JRK: variants seen among roughly 807,000 people sequenced by gnomAD.
JRK encodes Jrk helix-turn-helix protein, also known as jerky protein homolog.
For synonymous variants in JRK, 303 were observed against 218.1 expected, an observed-to-expected ratio of 1.39 and a Z score of -3.43; for missense variants, 720 against 509.2, an observed-to-expected ratio of 1.41 and a Z score of -3.98.
At chr8:142,668,774 C>A (rs868948228) in intron 1 of JRK, among the ~76,000 whole-genome samples, 1 of 151,262 alleles carries the variant, frequency 6.6e-6, no homozygotes, top group South Asian at 2.1e-4. Flanking sequence ...GCAAGTGGGA[C>A]AACAGTGTGT....
chr8:142,650,120 A>G, the JRK span, among the ~76,000 whole-genome samples: 3 of 152,264 alleles, frequency 2.0e-5, no homozygotes, highest in African/African-American at 7.2e-5. Flanking sequence ...GCTGGATTTC[A>G]GACTTGCATG....
downstream of JRK, among the ~76,000 whole-genome samples, chr8:142,652,901 GTTCA>G (rs1846691860): frequency 6.6e-6 from 1 of 152,214 alleles, no homozygotes; most frequent in Non-Finnish European, 1.5e-5. Flanking sequence ...AATTGATGAT[GTTCA>G]TTCATTTTTT....
intron 1 of JRK, among the ~76,000 whole-genome samples, chr8:142,668,778 AGT>A (rs1241547444): frequency 1.1e-4 from 16 of 151,194 alleles, no homozygotes; most frequent in African/African-American, 3.6e-4. Flanking sequence ...GTGGGACAAC[AGT>A]GTGTTCTGCC....
At chr8:142,668,522 T>G (rs1847202452) in intron 1 of JRK, among the ~76,000 whole-genome samples, 1 of 151,862 alleles carries the variant, frequency 6.6e-6, no homozygotes, top group African/African-American at 2.4e-5. Context: ...CCTCCAGATT[T>G]TTAATATGAA....
rs1563792564 is a variant in JRK at position 142,663,001 on chromosome 8, A to G, written c.*1351T>C. On this transcript the variant is annotated 3_prime_UTR_variant, in exon 2 of 2. Coordinates refer to ENST00000612905, the MANE Select transcript of JRK (RefSeq NM_003724.4). ...ACAGTGAGACCCTGTCTCTACAAAA[A>G]AAATAAAAAGGCGCGGTGGTGCGTG... 1 of 512,644 alleles carries G rather than the reference A, an allele frequency of 2.0e-6. No homozygotes were observed. The highest frequency in any genetic ancestry group is 1.8e-4 in the East Asian group (1 of 5,482). 31.8% of individuals were successfully genotyped at this position (512,644 alleles called of 1,614,324 possible). A position where few individuals can be genotyped will look rare whatever the true frequency, so the allele number is the denominator to read the frequency against.
chr8:142,646,947 TTAAA>T, the JRK span, among the ~76,000 whole-genome samples: 1 of 152,170 alleles, frequency 6.6e-6, no homozygotes, highest in Admixed American at 6.5e-5. Flanking sequence ...CAGTTGTCAA[TTAAA>T]TAGCCCTAAG....
Position 142,661,732 on chromosome 8 carries a change from C to G in JRK, c.*2620G>C. 2 of 985,482 alleles carry G rather than the reference C, an allele frequency of 2.0e-6. No homozygotes were observed. The highest frequency in any genetic ancestry group is 2.4e-6 in the Non-Finnish European group (2 of 829,954). 61.0% of individuals were successfully genotyped at this position (985,482 alleles called of 1,614,324 possible). A position where few individuals can be genotyped will look rare whatever the true frequency, so the allele number is the denominator to read the frequency against. ...CAGAAACAGAGTGAAGAGACACAGCCTCACAGAGCTGTGCTGTGGTGTCTG... is the reference window on the plus strand; with the variant it reads ...CAGAAACAGAGTGAAGAGACACAGCGTCACAGAGCTGTGCTGTGGTGTCTG... On this transcript the variant is annotated 3_prime_UTR_variant, in exon 2 of 2. Transcript: ENST00000612905.
Position 142,666,299 on chromosome 8 carries a change from C to T in JRK, c.-241G>A. On this transcript the variant is annotated 5_prime_UTR_variant, in exon 2 of 2. Transcript: ENST00000612905. ...GCTCCACACACCTAGGCCTTGGCTC[C>T]TGGCAGTGCAGTCAGCTGCCAATTC... 2 of 634,758 alleles carry T rather than the reference C, an allele frequency of 3.2e-6. No homozygotes were observed. The highest frequency in any genetic ancestry group is 2.9e-5 in the East Asian group (1 of 34,248). 39.3% of individuals were successfully genotyped at this position (634,758 alleles called of 1,614,324 possible).
At chr8:142,653,083 A>G (rs1739245461), downstream of JRK, among the ~76,000 whole-genome samples, 1 of 152,222 alleles carries the variant, frequency 6.6e-6, no homozygotes, top group Non-Finnish European at 1.5e-5. Context: ...GATCTGACCT[A>G]ACTGACTCCA....
Position 142,665,588 on chromosome 8 carries a change from G to A in JRK, c.471C>T (p.Ala157=), listed in dbSNP as rs587751093. 2.9e-4 allele frequency: 207 copies of A among 718,546 alleles called. No individual in the cohort carries two copies. In the East Asian group the frequency reaches 4.9e-3, roughly 17 times the overall value. The allele number at this position is 718,546 out of a possible 1,614,324, so 44.5% of individuals were successfully genotyped here. A position where few individuals can be genotyped will look rare whatever the true frequency, so the allele number is the denominator to read the frequency against. Residue 157 remains alanine, a synonymous_variant, in exon 2 of 2, where the codon GCC becomes GCT. Transcript: ENST00000612905. The stretch of plus-strand genomic sequence containing the variant: ...AGAACTGCTCCGCGGCCTGGTGGTC[G>A]GCTGACTGCTTTTCACTGGATGCAT... ...KLDASSEKQS[A]DHQAAEQFCA...
At chr8:142,668,970 C>A (rs1847221993) in intron 1 of JRK, among the ~76,000 whole-genome samples, 1 of 151,830 alleles carries the variant, frequency 6.6e-6, no homozygotes, top group African/African-American at 2.4e-5. Flanking sequence ...TCTTGCCTTG[C>A]GACTGGAGAG....
In JRK at chr8:142,664,503, C is replaced by T. The variant is rs781958857; in HGVS notation, c.1556G>A (p.Arg519His). The T allele has an allele frequency of 5.6e-6, 9 of 1,608,956 alleles. No individual in the cohort carries two copies. The highest frequency in any genetic ancestry group is 3.4e-5 in the Admixed American group (2 of 59,486). The change falls in exon 2 of 2, where the codon CGT becomes CAT. Residue 519 changes from arginine to histidine, a missense_variant. Arg to His is a conservative substitution (Grantham distance 29). Coordinates refer to ENST00000612905, the MANE Select transcript of JRK (RefSeq NM_003724.4). The part of the protein sequence containing the change: ...AQEVGQLRAL[R>H]AVFRSQQQVR... ...CTGCTGCTGGCTCCGGAACACGGCA[C>T]GCAGCGCCCGCAGCTGCCCCACTTC... is the stretch of plus-strand genomic sequence containing the variant.
In JRK at chr8:142,659,579, G is replaced by A. The variant is rs1587515626; in HGVS notation, c.*4773C>T. On this transcript the variant is annotated 3_prime_UTR_variant, in exon 2 of 2. Coordinates refer to ENST00000612905, the MANE Select transcript of JRK (RefSeq NM_003724.4). ...CCTTGAGCAGGGAGGCCATCGTGCT[G>A]CCTAAGAGACCAGGACCCAGCAGGG... is the stretch of plus-strand genomic sequence containing the variant. 2.0e-6 allele frequency: 2 copies of A among 985,598 alleles called. No individual in the cohort carries two copies. Among genetic ancestry groups the A allele is most frequent in the Admixed American group, 1.2e-4 (2 of 16,294 alleles). The allele number at this position is 985,598 out of a possible 1,614,324, so 61.1% of individuals were successfully genotyped here.
Position 142,661,309 on chromosome 8 carries a change from T to C in JRK, c.*3043A>G. 1.0e-6 allele frequency: 1 copy of C among 985,394 alleles called. No homozygotes were observed. Among genetic ancestry groups the C allele is most frequent in the Non-Finnish European group, 1.2e-6 (1 of 829,936 alleles). 61.0% of individuals were successfully genotyped at this position (985,394 alleles called of 1,614,324 possible). ...AAGACCACCTACCCATCCTAACCCCTGAATTCACCATGCCACCCTGAAAGT... is the reference window on the plus strand; with the variant it reads ...AAGACCACCTACCCATCCTAACCCCCGAATTCACCATGCCACCCTGAAAGT... On this transcript the variant is annotated 3_prime_UTR_variant, in exon 2 of 2. Coordinates refer to ENST00000612905, the MANE Select transcript of JRK (RefSeq NM_003724.4).
Position 142,665,325 on chromosome 8 carries a change from T to C in JRK, c.734A>G (p.Lys245Arg). The C allele has an allele frequency of 2.8e-6, 2 of 717,510 alleles. 1 individual carries two copies. Among genetic ancestry groups the C allele is most frequent in the Admixed American group, 4.0e-5 (2 of 50,000 alleles). 44.4% of individuals were successfully genotyped at this position (717,510 alleles called of 1,614,324 possible). Residue 245 changes from lysine (K) to arginine (R), a missense_variant, in exon 2 of 2, where the codon AAA becomes AGA. Transcript: ENST00000612905. ...IGKCSGPRAF[K>R]GIQHLPVAYK... is the part of the protein sequence containing the mutation. The stretch of plus-strand genomic sequence containing the variant: ...GGCGACGGGCAGGTGCTGGATGCCT[T>C]TGAAAGCCCTGGGACCGCTGCACTT...
At position 142,662,169 on chromosome 8, in the gene JRK, A is replaced by G. The variant is rs1846936604; in HGVS notation, c.*2183T>C. On this transcript the variant is annotated 3_prime_UTR_variant, in exon 2 of 2. Transcript: ENST00000612905. ...ACTCACTGGGGACAAGCGCCTACCC[A>G]TCAGCCCAGCACAGTCAGCACAAGA... 1 of 985,906 alleles carries G rather than the reference A, an allele frequency of 1.0e-6. No homozygotes were observed. The highest frequency in any genetic ancestry group is 1.2e-6 in the Non-Finnish European group (1 of 830,324). The allele number at this position is 985,906 out of a possible 1,614,324, so 61.1% of individuals were successfully genotyped here. A position where few individuals can be genotyped will look rare whatever the true frequency, so the allele number is the denominator to read the frequency against.
rs1846998226 is a variant in JRK at position 142,663,928 on chromosome 8, G to A, written c.*424C>T. ...CCTTCTGAGACGAAGCCTGTCCAGGGGCGGTGGGCATGGCCTCCTGTCGGC... is the reference window on the plus strand; with the variant it reads ...CCTTCTGAGACGAAGCCTGTCCAGGAGCGGTGGGCATGGCCTCCTGTCGGC... On this transcript the variant is annotated 3_prime_UTR_variant, in exon 2 of 2. Coordinates refer to ENST00000612905, the MANE Select transcript of JRK (RefSeq NM_003724.4). The A allele has an allele frequency of 2.0e-6, 2 of 1,000,104 alleles. No individual in the cohort carries two copies. The highest frequency in any genetic ancestry group is 2.4e-6 in the Non-Finnish European group (2 of 840,230). 62.0% of individuals were successfully genotyped at this position (1,000,104 alleles called of 1,614,324 possible). A position where few individuals can be genotyped will look rare whatever the true frequency, so the allele number is the denominator to read the frequency against.
In JRK at chr8:142,661,066, G is replaced by T; in HGVS notation, c.*3286C>A. On this transcript the variant is annotated 3_prime_UTR_variant, in exon 2 of 2. Coordinates refer to ENST00000612905, the MANE Select transcript of JRK (RefSeq NM_003724.4). ...ACAGTGGCCTGCGACGTCAGGGGCAGTCCAGGTGCTCTCCATCGCATGCTC... is the reference window on the plus strand; with the variant it reads ...ACAGTGGCCTGCGACGTCAGGGGCATTCCAGGTGCTCTCCATCGCATGCTC... 2 of 985,430 alleles carry T rather than the reference G, an allele frequency of 2.0e-6. No individual in the cohort carries two copies. The highest frequency in any genetic ancestry group is 2.4e-6 in the Non-Finnish European group (2 of 829,942). 61.0% of individuals were successfully genotyped at this position (985,430 alleles called of 1,614,324 possible).
rs781958857 is a variant in JRK at position 142,664,503 on chromosome 8, C to A, written c.1556G>T (p.Arg519Leu). Residue 519 changes from arginine to leucine, a missense_variant, in exon 2 of 2, where the codon CGT (arginine) becomes CTT (leucine). Coordinates refer to ENST00000612905, the MANE Select transcript of JRK (RefSeq NM_003724.4). ...AQEVGQLRAL[R>L]AVFRSQQQVR... ...CTGCTGCTGGCTCCGGAACACGGCACGCAGCGCCCGCAGCTGCCCCACTTC... is the reference window on the plus strand; with the variant it reads ...CTGCTGCTGGCTCCGGAACACGGCAAGCAGCGCCCGCAGCTGCCCCACTTC... The A allele has an allele frequency of 2.0e-5, 32 of 1,608,956 alleles. No individual in the cohort carries two copies. The highest frequency in any genetic ancestry group is 1.0e-4 in the Admixed American group (6 of 59,486).
Sources: gnomAD v4.1 joint callset for allele counts (sites outside exome capture counted in the v4.1 genomes callset) on GRCh38, gnomAD v4.1.1 for gene constraint, MANE v1.5 for transcripts, NCBI Gene and HGNC (gene_info 2026-07-23, HGNC 2026-07-21) for gene names.